The following ARNT2 variants were observed in gnomAD, a reference collection of about 807,000 sequenced individuals.
ARNT2 encodes aryl hydrocarbon receptor nuclear translocator 2.
Under a neutral mutation model 91.7 loss-of-function variants are expected in ARNT2, and 36 were observed. The observed-to-expected ratio is 0.39, with a 90% confidence interval of 0.30 to 0.52. The LOEUF is 0.52. Ranked by LOEUF, ARNT2 falls within the 20% of genes least tolerant of loss-of-function variation. The probability of loss-of-function intolerance (pLI) is 0.72; values close to 1 mark genes in which losing one functional copy is unlikely to be tolerated. For synonymous variants in ARNT2, 365 were observed against 347.1 expected (o/e 1.05, Z -0.57); for missense variants, 775 against 939.3 (o/e 0.83, Z 2.29).
chr15:80,570,946 G>A (rs889193445), intron 12 of ARNT2, among the ~76,000 whole-genome samples: 3 of 152,182 alleles, frequency 2.0e-5, no homozygotes, highest in Non-Finnish European at 4.4e-5. Context: ...CTTCAAGGAG[G>A]CCTTCCCTTA....
At chr15:80,482,412 C>T (rs1896904328) in intron 5 of ARNT2, among the ~76,000 whole-genome samples, 1 of 152,148 alleles carries the variant, frequency 6.6e-6, no homozygotes, top group South Asian at 2.1e-4. Context: ...TGGGGCTCAT[C>T]AAGGTCCTAT....
At chr15:80,463,337 G>A (rs1398494315) in intron 3 of ARNT2, among the ~76,000 whole-genome samples, 1 of 152,024 alleles carries the variant, frequency 6.6e-6, no homozygotes, top group East Asian at 1.9e-4. Flanking sequence ...CAAACGCCAA[G>A]AGGAGCCCTT....
intron 2 of ARNT2, among the ~76,000 whole-genome samples, chr15:80,456,496 G>A (rs1236271311): frequency 6.6e-6 from 1 of 152,030 alleles, no homozygotes. Context: ...CTTTGGCTAC[G>A]CAGTACATAA....
chr15:80,505,464 T>G (rs1392073603), intron 5 of ARNT2, among the ~76,000 whole-genome samples: 1 of 152,240 alleles, frequency 6.6e-6, no homozygotes, highest in East Asian at 1.9e-4. Flanking sequence ...GATCAGATGT[T>G]GGAGTTTTTC....
At chr15:80,531,689 A>G (rs1326326676) in intron 8 of ARNT2, among the ~76,000 whole-genome samples, 1 of 152,176 alleles carries the variant, frequency 6.6e-6, no homozygotes, top group Non-Finnish European at 1.5e-5. Flanking sequence ...AAAATCCTTG[A>G]GTAGGAGCTG....
At chr15:80,433,305 A>T in intron 1 of ARNT2, among the ~76,000 whole-genome samples, 1 of 48,806 alleles carries the variant, frequency 2.0e-5, no homozygotes, top group African/African-American at 7.0e-5. Flanking sequence ...TTATTTTTTG[A>T]GACCGAGTCT....
chr15:80,471,507 A>G (rs1896730877), intron 4 of ARNT2, among the ~76,000 whole-genome samples: 1 of 152,166 alleles, frequency 6.6e-6, no homozygotes. Flanking sequence ...GGCAGTACGT[A>G]ACAAACCTGC....
At chr15:80,575,925 CTT>C (rs1898666132) in intron 14 of ARNT2, among the ~76,000 whole-genome samples, 1 of 152,210 alleles carries the variant, frequency 6.6e-6, no homozygotes. Flanking sequence ...CTACAACTCA[CTT>C]TTCTCATCTG....
At chr15:80,463,766 G>A (rs1896601690) in intron 3 of ARNT2, among the ~76,000 whole-genome samples, 1 of 151,964 alleles carries the variant, frequency 6.6e-6, no homozygotes, top group African/African-American at 2.4e-5. Flanking sequence ...TTTTTGTAGA[G>A]ACAGGGTTTC....
At chr15:80,445,529 G>A (rs1896285090) in intron 1 of ARNT2, among the ~76,000 whole-genome samples, 1 of 151,458 alleles carries the variant, frequency 6.6e-6, no homozygotes, top group Non-Finnish European at 1.5e-5. Context: ...GTGATGATGT[G>A]TGTGTGTGAG....
chr15:80,519,999 CTTT>C (rs79950273), intron 8 of ARNT2, among the ~76,000 whole-genome samples: 2 of 132,222 alleles, frequency 1.5e-5, no homozygotes. Context: ...TGCCTGGCCG[CTTT>C]TTTTTTTTTT....
intron 8 of ARNT2, among the ~76,000 whole-genome samples, chr15:80,542,564 C>G (rs1357165379): frequency 3.9e-5 from 6 of 152,020 alleles, no homozygotes. Flanking sequence ...TTTTATTGGT[C>G]AAATAGTTGC....
At chr15:80,531,032 C>A (rs1304168075) in intron 8 of ARNT2, among the ~76,000 whole-genome samples, 1 of 151,926 alleles carries the variant, frequency 6.6e-6, no homozygotes, top group East Asian at 1.9e-4. Flanking sequence ...CTTTTTTTGC[C>A]CAAAACTTAC....
At chr15:80,539,749 T>C (rs1293217971) in intron 8 of ARNT2, among the ~76,000 whole-genome samples, 2 of 151,926 alleles carry the variant, frequency 1.3e-5, no homozygotes, top group Non-Finnish European at 2.9e-5. Context: ...AAAAAATGTA[T>C]GAACAAAATG....
chr15:80,524,379 A>G (rs894227663), intron 8 of ARNT2, among the ~76,000 whole-genome samples: 1 of 152,238 alleles, frequency 6.6e-6, no homozygotes, highest in African/African-American at 2.4e-5. Context: ...ACCTCTTGAG[A>G]TACAGAAATT....
chr15:80,472,361 A>C (rs914893084), intron 4 of ARNT2, among the ~76,000 whole-genome samples: 1 of 152,238 alleles, frequency 6.6e-6, no homozygotes, highest in Non-Finnish European at 1.5e-5. Flanking sequence ...TTTCACAAAA[A>C]GGGAAGAGTG....
At chr15:80,405,898 G>GAGAGAC (rs201131187) in intron 1 of ARNT2, among the ~76,000 whole-genome samples, 1 of 151,410 alleles carries the variant, frequency 6.6e-6, no homozygotes, top group Non-Finnish European at 1.5e-5. Flanking sequence ...AAAAGAGAGA[G>GAGAGAC]AGAGACAGAG....
chr15:80,530,082 T>C (rs189951259), intron 8 of ARNT2, among the ~76,000 whole-genome samples: 26 of 152,338 alleles, frequency 1.7e-4, no homozygotes, highest in Non-Finnish European at 3.4e-4. Context: ...TTTCATAGGC[T>C]TGTGATTTTT....
chr15:80,505,927 G>GTTGTTTTTTTT (rs1386691728), intron 5 of ARNT2, among the ~76,000 whole-genome samples: 1 of 88,928 alleles, frequency 1.1e-5, no homozygotes, highest in Non-Finnish European at 2.2e-5. Flanking sequence ...AACATTTGTT[G>GTTGTTTTTTTT]TTTTTTTTTT....
Sources: allele counts gnomAD v4.1 joint callset (sites outside exome capture counted in the v4.1 genomes callset), GRCh38; gene constraint gnomAD v4.1.1; transcripts MANE v1.5; gene names NCBI Gene and HGNC (gene_info 2026-07-23, HGNC 2026-07-21).